MLLT10: variants seen among roughly 807,000 people sequenced by gnomAD.
MLLT10 encodes protein AF-10.
MLLT10 carries 30 observed loss-of-function variants against 129.1 expected under a neutral mutation model. The ratio of observed to expected loss-of-function variants is 0.23; its 90% confidence interval spans 0.17 to 0.32. The LOEUF (loss-of-function observed/expected upper bound fraction) is 0.32. Among genes scored for constraint, MLLT10 ranks in the 10% least tolerant of loss-of-function variants. The pLI, the probability that MLLT10 is intolerant of heterozygous loss-of-function variation, is 1.00. For missense variants in MLLT10, 1,119 were observed against 1,268.3 expected, an observed-to-expected ratio of 0.88 and a Z score of 1.79; for synonymous variants, 490 against 446.4, an observed-to-expected ratio of 1.10 and a Z score of -1.23.
chr10:21,554,751 G>A (rs540149662), intron 3 of MLLT10, among the ~76,000 whole-genome samples: 6 of 147,768 alleles, frequency 4.1e-5, no homozygotes, highest in African/African-American at 1.5e-4. Flanking sequence ...CTGAGCCACC[G>A]GGCCCGGCCC....
chr10:21,685,017 T>G (rs781146229), intron 13 of MLLT10, among the ~76,000 whole-genome samples: 1 of 152,210 alleles, frequency 6.6e-6, no homozygotes, highest in Non-Finnish European at 1.5e-5. Flanking sequence ...TTTGATAGAA[T>G]TAACCCTTTC....
chr10:21,555,649 C>G (rs997636639), intron 3 of MLLT10, among the ~76,000 whole-genome samples: 1 of 150,506 alleles, frequency 6.6e-6, no homozygotes, highest in African/African-American at 2.4e-5. Flanking sequence ...TCTGGTGATT[C>G]TCAGCCTTGA....
chr10:21,632,315 G>GTAA (rs35169349), intron 8 of MLLT10, among the ~76,000 whole-genome samples: 1,603 of 152,256 alleles, frequency 0.011, 25 homozygotes, highest in African/African-American at 0.036. Flanking sequence ...GAGATTGCAT[G>GTAA]TAATGCAAAG....
intron 5 of MLLT10, among the ~76,000 whole-genome samples, chr10:21,611,753 G>T (rs2044677938): frequency 6.6e-6 from 1 of 152,096 alleles, no homozygotes. Flanking sequence ...TATCTCTTGG[G>T]CATTTCTGAC....
chr10:21,593,786 G>C (rs1251579053), intron 4 of MLLT10, among the ~76,000 whole-genome samples: 1 of 151,758 alleles, frequency 6.6e-6, no homozygotes. Context: ...AATTAGCCCC[G>C]TGTGGTGGTG....
intron 5 of MLLT10, 190 bp downstream of exon 5, chr10:21,595,630 A>G (rs1011121993): frequency 3.4e-5 from 16 of 469,218 alleles, no homozygotes; most frequent in South Asian, 2.5e-4. Context: ...AAAGCAAGCA[A>G]AACTGTGTTA....
intron 3 of MLLT10, among the ~76,000 whole-genome samples, chr10:21,564,975 T>C (rs539143964): frequency 1.3e-5 from 2 of 152,340 alleles, no homozygotes; most frequent in East Asian, 1.9e-4. Context: ...CAGAGAAATA[T>C]TGAAGTCTCT....
intron 4 of MLLT10, among the ~76,000 whole-genome samples, chr10:21,592,315 T>G (rs556189698): frequency 6.6e-6 from 1 of 152,226 alleles, no homozygotes; most frequent in Non-Finnish European, 1.5e-5. Flanking sequence ...GAAAATTGTT[T>G]GGTGTTCCCT....
chr10:21,568,448 CTTCTG>C (rs2039836504), intron 3 of MLLT10, among the ~76,000 whole-genome samples: 1 of 152,078 alleles, frequency 6.6e-6, no homozygotes, highest in African/African-American at 2.4e-5. Flanking sequence ...ATTTCATTGA[CTTCTG>C]CTCTGATCTT....
At chr10:21,603,897 C>T (rs1321482429) in intron 5 of MLLT10, among the ~76,000 whole-genome samples, 1 of 151,718 alleles carries the variant, frequency 6.6e-6, no homozygotes, top group Admixed American at 6.6e-5. Context: ...GTCTCTGTCT[C>T]CATATGGCTA....
chr10:21,656,486 C>A (rs2049601197), intron 9 of MLLT10, among the ~76,000 whole-genome samples: 1 of 152,114 alleles, frequency 6.6e-6, no homozygotes, highest in African/African-American at 2.4e-5. Flanking sequence ...GTAGTGTTTG[C>A]ACAGTTTTAA....
At chr10:21,669,421 G>A (rs2051162041) in intron 9 of MLLT10, among the ~76,000 whole-genome samples, 2 of 151,930 alleles carry the variant, frequency 1.3e-5, no homozygotes, top group African/African-American at 4.8e-5. Flanking sequence ...TGTTTGTGTT[G>A]AGTGGTGGCT....
chr10:21,643,159 T>C (rs1004974502), intron 8 of MLLT10, among the ~76,000 whole-genome samples: 3 of 152,120 alleles, frequency 2.0e-5, no homozygotes, highest in Non-Finnish European at 4.4e-5. Flanking sequence ...CAGCCTCTCA[T>C]GTAGCTGGGA....
chr10:21,602,477 A>G (rs182801866), intron 5 of MLLT10, among the ~76,000 whole-genome samples: 1 of 152,138 alleles, frequency 6.6e-6, no homozygotes, highest in Non-Finnish European at 1.5e-5. Flanking sequence ...TGTATATACC[A>G]CCTCTTCCCC....
rs1181967417 is a variant in MLLT10, at chr10:21,743,121, C to T, written c.*1138C>T. ...AGCCACGCTTTTGATGTGACAGTAC[C>T]GCAGAGTGATTCCCCCACTGAGGAT... On this transcript the variant is annotated 3_prime_UTR_variant, in exon 23 of 23. Transcript: ENST00000307729. The T allele has an allele frequency of 8.7e-5, 20 of 230,422 alleles. No homozygotes were observed. The highest frequency in any genetic ancestry group is 1.1e-4 in the Non-Finnish European group (13 of 116,256). 14.3% of individuals were successfully genotyped at this position (230,422 alleles called of 1,614,324 possible).
intron 5 of MLLT10, among the ~76,000 whole-genome samples, chr10:21,601,002 G>A (rs888223570): frequency 3.9e-5 from 6 of 152,054 alleles, no homozygotes; most frequent in African/African-American, 1.4e-4. Context: ...GGAGTGCAGT[G>A]GTGCAATTAC....
intron 5 of MLLT10, among the ~76,000 whole-genome samples, chr10:21,607,748 TAAGAG>T (rs1161529628): frequency 2.6e-5 from 4 of 152,226 alleles, no homozygotes; most frequent in African/African-American, 9.6e-5. Flanking sequence ...ATTAAATAGA[TAAGAG>T]AAGAATGAAG....
rs2040665275 is a variant in MLLT10 at position 21,575,731 on chromosome 10, A to G, written c.241-10563A>G. Among the ~76,000 whole-genome samples the G allele has an allele frequency of 2.0e-5, 3 of 152,298 alleles. No individual in the cohort carries two copies. In the South Asian group the frequency reaches 6.2e-4, roughly 32 times the overall value. ...GTCAGTCACAAAGAGGAGTGTTAAAATATCTTACCACGTTTGGGGCACTGA... is the reference window on the plus strand; with the variant it reads ...GTCAGTCACAAAGAGGAGTGTTAAAGTATCTTACCACGTTTGGGGCACTGA... On this transcript the variant is annotated intron_variant, in intron 3 of 22. Coordinates refer to ENST00000307729, the MANE Select transcript of MLLT10 (RefSeq NM_001195626.3).
chr10:21,717,925 C>A (rs1384915793), intron 14 of MLLT10, among the ~76,000 whole-genome samples: 3 of 147,330 alleles, frequency 2.0e-5, no homozygotes, highest in Non-Finnish European at 4.5e-5. Flanking sequence ...CCTTCTCCTT[C>A]TTCTTCTCCT....
Sources: gnomAD v4.1 joint callset for allele counts (sites outside exome capture counted in the v4.1 genomes callset) on GRCh38, gnomAD v4.1.1 for gene constraint, MANE v1.5 for transcripts, NCBI Gene and HGNC (gene_info 2026-07-23, HGNC 2026-07-21) for gene names.